Variants in PNO1 observed in about 807,000 individuals in gnomAD.
PNO1 encodes partner of NOB1 homolog.
A neutral mutation model predicts 28.4 loss-of-function variants in PNO1; 16 were observed. That is an observed-to-expected ratio of 0.56 (90% CI 0.38 to 0.85). The LOEUF (loss-of-function observed/expected upper bound fraction) is 0.85, where lower values mean the gene tolerates loss of function less well. PNO1 is among the 40% of genes least tolerant of loss of function. The pLI is 0.00. For synonymous variants in PNO1, 115 were observed against 110.8 expected (o/e 1.04, Z -0.24); for missense variants, 304 against 312.2 (o/e 0.97, Z 0.20).
intron 5 of PNO1, among the ~76,000 whole-genome samples, chr2:68,167,123 C>G (rs1674015267): frequency 2.0e-5 from 3 of 152,208 alleles, no homozygotes; most frequent in African/African-American, 7.2e-5. Flanking sequence ...TCCTTCCAGA[C>G]TTTTATGATG....
rs769048038 is a variant in PNO1 at position 68,162,612 on chromosome 2, C to G, written c.569C>G (p.Thr190Ser). ...AGAATCGCTGGCAAAGGAGGAAAAACCAAATTCACCATAGAGAATGTGACA... is the reference window on the plus strand; with the variant it reads ...AGAATCGCTGGCAAAGGAGGAAAAAGCAAATTCACCATAGAGAATGTGACA... ...IGRIAGKGGK[T>S]KFTIENVTRT... The change falls in exon 5 of 7, where the codon ACC becomes AGC. Residue 190 changes from threonine to serine, a missense_variant. Thr to Ser is a moderately conservative substitution (Grantham distance 58). Coordinates refer to ENST00000263657, the MANE Select transcript of PNO1 (RefSeq NM_020143.4). 1 of 1,613,696 alleles carries G rather than the reference C, an allele frequency of 6.2e-7. No homozygotes were observed. The highest frequency in any genetic ancestry group is 2.2e-5 in the East Asian group (1 of 44,866).
rs36126325 is a variant in PNO1, at chr2:68,165,545, CAAAAAAAAA to C, written c.620+2894_620+2902del. Among the ~76,000 whole-genome samples, 394 of 67,216 alleles carry C rather than the reference CAAAAAAAAA, an allele frequency of 5.9e-3. 3 individuals carry two copies. The highest frequency in any genetic ancestry group is 0.011 in the Admixed American group (57 of 5,006). 44.1% of individuals were successfully genotyped at this position (67,216 alleles called of 152,430 possible). A position where few individuals can be genotyped will look rare whatever the true frequency, so the allele number is the denominator to read the frequency against. On this transcript the variant is annotated intron_variant, in intron 5 of 6. Transcript: ENST00000263657. The stretch of plus-strand genomic sequence containing the variant: ...TGGGCGACAGAGTGAGACTCCATCT[CAAAAAAAAA>C]AAAAAAAAAAACGGCTGGGCATGGT...
intron 5 of PNO1, 135 bp downstream of exon 5, chr2:68,162,798 C>T (rs2103672326): frequency 1.5e-6 from 1 of 672,432 alleles, no homozygotes; most frequent in African/African-American, 1.8e-5. Context: ...CTCATAAATC[C>T]ATCATAAATT....
At chr2:68,171,445 C>A (rs1030398251) in intron 5 of PNO1, among the ~76,000 whole-genome samples, 27 of 152,208 alleles carry the variant, frequency 1.8e-4, no homozygotes, top group African/African-American at 6.5e-4. Context: ...CAGTTGACTT[C>A]GGTCTGCACA....
At position 68,158,356 on chromosome 2, in the gene PNO1, AGTTGTGT is replaced by A; in HGVS notation, c.208-20_208-14del. On this transcript the variant is annotated splice_polypyrimidine_tract_variant and intron_variant, in intron 1 of 6. Coordinates refer to ENST00000263657, the MANE Select transcript of PNO1 (RefSeq NM_020143.4). Reference sequence around the variant, plus strand: ...ATCACCGTCCCTCCATAGCCTTCTGAGTTGTGTGTTCTTTTATTTACAGAGTGGGAAA... The same window carrying A: ...ATCACCGTCCCTCCATAGCCTTCTGAGTTCTTTTATTTACAGAGTGGGAAA... The A allele has an allele frequency of 6.3e-7, 1 of 1,599,928 alleles. No homozygotes were observed. Among genetic ancestry groups the A allele is most frequent in the Non-Finnish European group, 8.5e-7 (1 of 1,174,146 alleles).
intron 2 of PNO1, among the ~76,000 whole-genome samples, chr2:68,159,161 T>A (rs1460688387): frequency 4.6e-5 from 7 of 152,206 alleles, no homozygotes; most frequent in Non-Finnish European, 1.0e-4. Context: ...GGTTGGTCAC[T>A]GATCAAAATG....
intron 2 of PNO1, 98 bp from the exon 3 acceptor site, chr2:68,161,585 A>AT: frequency 1.3e-6 from 1 of 776,652 alleles, no homozygotes; most frequent in African/African-American, 1.7e-5. Context: ...GGTGAAGGAA[A>AT]TTCTCCAATA....
chr2:68,160,860 ACT>A (rs1673811398), intron 2 of PNO1, among the ~76,000 whole-genome samples: 1 of 151,872 alleles, frequency 6.6e-6, no homozygotes, highest in African/African-American at 2.4e-5. Context: ...AGCTCTGGGG[ACT>A]CTCCCATTGC....
In PNO1 at chr2:68,162,141, A is replaced by AG. The variant is rs920339115; in HGVS notation, c.442-121dup. 49 of 625,112 alleles carry AG rather than the reference A, an allele frequency of 7.8e-5. No individual in the cohort carries two copies. In the East Asian group the frequency reaches 8.4e-4, roughly 11 times the overall value. 38.7% of individuals were successfully genotyped at this position (625,112 alleles called of 1,614,324 possible). A position where few individuals can be genotyped will look rare whatever the true frequency, so the allele number is the denominator to read the frequency against. ...GCGACAGCGTAAGACTCTGTCTCCA[A>AG]GGGAAAAAAAAAAGCTTTCTAGCTC... On this transcript the variant is annotated intron_variant, in intron 3 of 6. Transcript: ENST00000263657.
At chr2:68,171,681 C>G (rs1006329671) in intron 5 of PNO1, among the ~76,000 whole-genome samples, 1 of 152,060 alleles carries the variant, frequency 6.6e-6, no homozygotes, top group African/African-American at 2.4e-5. Context: ...TGGCAGTGAG[C>G]GAGGAGGCTT....
Position 68,175,019 on chromosome 2 carries a change from CT to C in PNO1, c.*219del. ...TAAATATCAAAAATTGATTGTTATA[CT>C]TAACACATTAGGTATAATTTATCAT... On this transcript the variant is annotated 3_prime_UTR_variant, in exon 7 of 7. Coordinates refer to ENST00000263657, the MANE Select transcript of PNO1 (RefSeq NM_020143.4). 2.6e-6 allele frequency: 1 copy of C among 390,874 alleles called. No individual in the cohort carries two copies. Among genetic ancestry groups the C allele is most frequent in the Non-Finnish European group, 4.2e-6 (1 of 238,168 alleles). The allele number at this position is 390,874 out of a possible 1,614,324, so 24.2% of individuals were successfully genotyped here. A position where few individuals can be genotyped will look rare whatever the true frequency, so the allele number is the denominator to read the frequency against.
At chr2:68,167,670 C>G (rs1280469793) in intron 5 of PNO1, among the ~76,000 whole-genome samples, 1 of 152,168 alleles carries the variant, frequency 6.6e-6, no homozygotes, top group Admixed American at 6.5e-5. Context: ...CACAAAAAAC[C>G]TGTTCAGGCA....
chr2:68,172,737 T>G (rs1674163212), intron 5 of PNO1, among the ~76,000 whole-genome samples: 1 of 152,156 alleles, frequency 6.6e-6, no homozygotes, highest in African/African-American at 2.4e-5. Context: ...TCTTATAAAC[T>G]TCTCTCCTCA....
intron 5 of PNO1, among the ~76,000 whole-genome samples, chr2:68,163,448 T>A (rs1318132539): frequency 6.6e-6 from 1 of 152,092 alleles, no homozygotes; most frequent in Non-Finnish European, 1.5e-5. Context: ...GGAGAATCAC[T>A]TGAACCTAGG....
chr2:68,174,042 G>A (rs1674203246), intron 6 of PNO1, among the ~76,000 whole-genome samples: 1 of 152,168 alleles, frequency 6.6e-6, no homozygotes, highest in African/African-American at 2.4e-5. Flanking sequence ...AACAAAGGAA[G>A]AGCTGCTGAA....
chr2:68,161,808 A>G, intron 3 of PNO1, 42 bp downstream of exon 3: 3 of 1,267,604 alleles, frequency 2.4e-6, no homozygotes, highest in Non-Finnish European at 3.4e-6. Flanking sequence ...CTTTAAAAAT[A>G]TTCAATGTGA....
intron 5 of PNO1, among the ~76,000 whole-genome samples, chr2:68,168,050 C>T (rs1012020211): frequency 6.6e-6 from 1 of 152,142 alleles, no homozygotes; most frequent in African/African-American, 2.4e-5. Context: ...TTGCAGTCTG[C>T]AGGGTGGCCA....
intron 5 of PNO1, among the ~76,000 whole-genome samples, chr2:68,172,391 A>G (rs1454607764): frequency 6.6e-6 from 1 of 152,208 alleles, no homozygotes; most frequent in African/African-American, 2.4e-5. Flanking sequence ...ACTGGCCACC[A>G]TTTGAGATCT....
chr2:68,170,114 A>C (rs977504968), intron 5 of PNO1, among the ~76,000 whole-genome samples: 15 of 152,360 alleles, frequency 9.8e-5, no homozygotes, highest in African/African-American at 3.6e-4. Context: ...CACGTTTAAC[A>C]GTTTATATTA....
Sources: allele counts gnomAD v4.1 joint callset (sites outside exome capture counted in the v4.1 genomes callset), GRCh38; gene constraint gnomAD v4.1.1; transcripts MANE v1.5; gene names NCBI Gene and HGNC (gene_info 2026-07-23, HGNC 2026-07-21).